The following ADAMTS9 variants were observed in gnomAD, a reference collection of about 807,000 sequenced individuals.
ADAMTS9 encodes ADAM metallopeptidase with thrombospondin type 1 motif 9.
A neutral mutation model predicts 257.1 loss-of-function variants in ADAMTS9; 107 were observed. The ratio of observed to expected loss-of-function variants is 0.42; its 90% CI spans 0.36 to 0.49. The LOEUF (loss-of-function observed/expected upper bound fraction) is 0.49, where lower values mean the gene tolerates loss of function less well. Ranked by LOEUF, ADAMTS9 falls within the 20% of genes least tolerant of loss-of-function variation. The pLI is 0.03. For synonymous variants in ADAMTS9, 982 were observed against 880.9 expected (o/e 1.11, Z -2.03); for missense variants, 2,353 against 2,469.1 (o/e 0.95, Z 1.00).
At chr3:64,647,734 A>G (rs1278341992) in intron 11 of ADAMTS9, among the ~76,000 whole-genome samples, 1 of 152,244 alleles carries the variant, frequency 6.6e-6, no homozygotes, top group Admixed American at 6.5e-5. Context: ...AATGATAGGT[A>G]TATTCTCTGG....
rs2083129711 is a variant in ADAMTS9, at chr3:64,541,960, G to A, written c.5075C>T (p.Ser1692Phe). Residue 1692 changes from serine to phenylalanine, a missense_variant, in exon 33 of 40, where the codon TCT (serine) becomes TTT (phenylalanine). Ser to Phe is a radical substitution (Grantham distance 155). Around this residue, in one of 3 missense-constraint regions of ADAMTS9, gnomAD observed 1,402 missense variants for 1,441.4 expected, o/e 0.97. Coordinates refer to ENST00000498707, the MANE Select transcript of ADAMTS9 (RefSeq NM_182920.2). ...RVGNWGSCSVSCGVGVMQRSV... is the reference protein window; with the variant it reads ...RVGNWGSCSVFCGVGVMQRSV... ...TCTCTGCATCACTCCAACACCACAAGACACTGAGCACTGTAAGACAAATGA... is the reference window on the plus strand; with the variant it reads ...TCTCTGCATCACTCCAACACCACAAAACACTGAGCACTGTAAGACAAATGA... 6.2e-7 allele frequency: 1 copy of A among 1,614,078 alleles called. No homozygotes were observed. The highest frequency in any genetic ancestry group is 1.7e-5 in the Admixed American group (1 of 60,012).
Position 64,624,298 on chromosome 3 carries a change from G to A in ADAMTS9, c.2390-1712C>T, listed in dbSNP as rs1700176528. On this transcript the variant is annotated intron_variant, in intron 16 of 39. Transcript: ENST00000498707. ...ACAAAGAAAGAAAAGGAAAGAGGAA[G>A]GAAGGAGGGAAGAAAAGAAAAAAGA... 2.0e-5 allele frequency among the ~76,000 whole-genome samples: 3 copies of A among 151,028 alleles called. No individual in the cohort carries two copies. The South Asian group carries it at 6.3e-4, about 32-fold the overall frequency.
At position 64,539,254 on chromosome 3, in the gene ADAMTS9, G is replaced by T; in HGVS notation, c.5562C>A (p.Pro1854=). 1 of 1,614,094 alleles carries T rather than the reference G, an allele frequency of 6.2e-7. No individual in the cohort carries two copies. The highest frequency in any genetic ancestry group is 1.3e-5 in the African/African-American group (1 of 75,066). ...LQFARTSEGH[P]VPFATAGDCY... is the part of the protein sequence containing the mutation. ...AATCCCCGGCTGTGGCAAAAGGGAC[G>T]GGATGTCCTTCGCTTGTCCTTGCAA... The change falls in exon 37 of 40, where the codon CCC becomes CCA. Residue 1854 remains proline, a synonymous_variant. Coordinates refer to ENST00000498707, the MANE Select transcript of ADAMTS9 (RefSeq NM_182920.2).
chr3:64,538,649 A>C (rs530966483), intron 37 of ADAMTS9, among the ~76,000 whole-genome samples: 2 of 152,216 alleles, frequency 1.3e-5, no homozygotes, highest in South Asian at 4.2e-4. Context: ...ATATCATGCA[A>C]TATTCAGATT....
chr3:64,524,106 A>C (rs781264083), intron 38 of ADAMTS9, among the ~76,000 whole-genome samples: 1 of 152,252 alleles, frequency 6.6e-6, no homozygotes, highest in Non-Finnish European at 1.5e-5. Flanking sequence ...AAGTTAAAAC[A>C]GGAAATGTCT....
chr3:64,640,691 G>T (rs183435484), intron 12 of ADAMTS9, among the ~76,000 whole-genome samples: 127 of 152,266 alleles, frequency 8.3e-4, no homozygotes, highest in African/African-American at 3.0e-3. Context: ...CTGAGGAAGT[G>T]CCATACAAAC....
At chr3:64,561,905 T>C in intron 29 of ADAMTS9, 154 bp from the exon 30 acceptor site, 1 of 665,336 alleles carries the variant, frequency 1.5e-6, no homozygotes. Flanking sequence ...AAAGGGATCC[T>C]AGATCATGTC....
At chr3:64,603,460 T>A (rs1370120633) in intron 25 of ADAMTS9, among the ~76,000 whole-genome samples, 1 of 152,102 alleles carries the variant, frequency 6.6e-6, no homozygotes, top group Non-Finnish European at 1.5e-5. Flanking sequence ...AGCAGGCAGG[T>A]TCACAGCACT....
intron 32 of ADAMTS9, among the ~76,000 whole-genome samples, chr3:64,545,527 A>C (rs1032066632): frequency 1.2e-4 from 18 of 152,144 alleles, no homozygotes. Context: ...CAAACACTGC[A>C]TGTTCTCACT....
chr3:64,597,526 A>C (rs1427684103), intron 26 of ADAMTS9, among the ~76,000 whole-genome samples: 1 of 152,212 alleles, frequency 6.6e-6, no homozygotes, highest in African/African-American at 2.4e-5. Flanking sequence ...ATTTCCTAGC[A>C]GATAAAATGT....
chr3:64,659,982 T>A (rs1037054856), intron 3 of ADAMTS9, among the ~76,000 whole-genome samples: 1 of 152,210 alleles, frequency 6.6e-6, no homozygotes, highest in Non-Finnish European at 1.5e-5. Flanking sequence ...ATCACTAGTT[T>A]CCAACTTGGC....
At chr3:64,545,629 G>A (rs1056346733) in intron 32 of ADAMTS9, among the ~76,000 whole-genome samples, 3 of 152,166 alleles carry the variant, frequency 2.0e-5, no homozygotes, top group African/African-American at 4.8e-5. Context: ...GCAGGGGGAC[G>A]GATAGCATTA....
At chr3:64,672,020 C>A (rs908987001) in intron 3 of ADAMTS9, among the ~76,000 whole-genome samples, 1 of 152,120 alleles carries the variant, frequency 6.6e-6, no homozygotes, top group Non-Finnish European at 1.5e-5. Context: ...AGAAACTTTG[C>A]CATGTCTTAC....
At chr3:64,620,047 T>C (rs1373167642) in intron 19 of ADAMTS9, among the ~76,000 whole-genome samples, 4 of 151,974 alleles carry the variant, frequency 2.6e-5, no homozygotes, top group African/African-American at 9.7e-5. Flanking sequence ...CTTTTGTCAA[T>C]ATATTTTGGC....
At chr3:64,668,552 G>A (rs1319471599) in intron 3 of ADAMTS9, among the ~76,000 whole-genome samples, 1 of 152,188 alleles carries the variant, frequency 6.6e-6, no homozygotes, top group African/African-American at 2.4e-5. Context: ...TTCCTCATCT[G>A]TGAAAAGGGA....
intron 28 of ADAMTS9, among the ~76,000 whole-genome samples, chr3:64,576,782 A>C (rs1438548889): frequency 2.0e-5 from 3 of 152,194 alleles, no homozygotes; most frequent in Non-Finnish European, 4.4e-5. Flanking sequence ...AAGGTCTAAG[A>C]AAAGGAACCA....
At chr3:64,600,428 G>T (rs1220455510) in intron 26 of ADAMTS9, among the ~76,000 whole-genome samples, 1 of 152,178 alleles carries the variant, frequency 6.6e-6, no homozygotes, top group African/African-American at 2.4e-5. Context: ...GCCACAAAAA[G>T]CTTACCTAAT....
chr3:64,602,354 T>C, intron 25 of ADAMTS9, 141 bp from the exon 26 acceptor site: 1 of 868,732 alleles, frequency 1.2e-6, no homozygotes. Context: ...TTGTCTCCTC[T>C]TTTTTTCCCA....
At chr3:64,517,416 G>GTTTTGTTTTTT (rs2082789292) in intron 39 of ADAMTS9, among the ~76,000 whole-genome samples, 1 of 52,638 alleles carries the variant, frequency 1.9e-5, no homozygotes, top group African/African-American at 5.3e-5. Flanking sequence ...ATTAAAAATG[G>GTTTTGTTTTTT]TTTTTTTTTT....
Sources: gnomAD v4.1 joint callset for allele counts (sites outside exome capture counted in the v4.1 genomes callset) on GRCh38, gnomAD v4.1.1 for gene constraint, gnomAD v4.1.1 regional missense constraint, MANE v1.5 for transcripts, NCBI Gene and HGNC (gene_info 2026-07-23, HGNC 2026-07-21) for gene names.